The following MALRD1 variants were observed in gnomAD, a reference collection of about 807,000 sequenced individuals.
MALRD1 encodes MAM and LDL-receptor class A domain-containing protein 1.
In MALRD1, 247 loss-of-function variants were observed where a neutral mutation model predicts 242.1. That is an observed-to-expected ratio of 1.02 (90% CI 0.92 to 1.13). The LOEUF is 1.13. MALRD1 is among the 50% of genes most tolerant of loss of function. The pLI is 0.00. For synonymous variants in MALRD1, 995 were observed against 866.6 expected (o/e 1.15, Z -2.60); for missense variants, 2,989 against 2,533.1 (o/e 1.18, Z -3.86).
At chr10:19,324,396 G>A (rs1303795705) in intron 22 of MALRD1, among the ~76,000 whole-genome samples, 1 of 152,012 alleles carries the variant, frequency 6.6e-6, no homozygotes, top group African/African-American at 2.4e-5. Flanking sequence ...TCAGTGTTCT[G>A]AGTATAACCA....
intron 34 of MALRD1, among the ~76,000 whole-genome samples, chr10:19,606,163 T>C (rs1395343579): frequency 1.3e-5 from 2 of 152,138 alleles, no homozygotes; most frequent in South Asian, 2.1e-4. Flanking sequence ...CTCATAATTA[T>C]ACTTGAAGAA....
At chr10:19,413,354 T>C (rs1833360318) in intron 28 of MALRD1, among the ~76,000 whole-genome samples, 1 of 152,164 alleles carries the variant, frequency 6.6e-6, no homozygotes, top group South Asian at 2.1e-4. Flanking sequence ...GGTAGATTTA[T>C]GTTCTCAGAA....
At position 19,199,973 on chromosome 10, in the gene MALRD1, A is replaced by T. The variant is rs189756090; in HGVS notation, c.1952-3755A>T. Among the ~76,000 whole-genome samples, 176 of 152,104 alleles carry T rather than the reference A, an allele frequency of 1.2e-3. 1 individual carries two copies. Among genetic ancestry groups the T allele is most frequent in the African/African-American group, 2.7e-3 (114 of 41,506 alleles). On this transcript the variant is annotated intron_variant, in intron 14 of 39. Transcript: ENST00000454679. Reference sequence around the variant, plus strand: ...AGACCCCATCTCAACAAAATTTTTTAAAAAAATTATCCAGTTGTGGTGGCA... The same window carrying T: ...AGACCCCATCTCAACAAAATTTTTTTAAAAAATTATCCAGTTGTGGTGGCA...
At chr10:19,627,336 A>G (rs111467912) in intron 36 of MALRD1, among the ~76,000 whole-genome samples, 2 of 152,148 alleles carry the variant, frequency 1.3e-5, no homozygotes, top group African/African-American at 4.8e-5. Flanking sequence ...AGATAAACAG[A>G]TTCGAAAACT....
intron 19 of MALRD1, among the ~76,000 whole-genome samples, chr10:19,266,841 C>T (rs187164852): frequency 2.6e-5 from 4 of 151,750 alleles, no homozygotes; most frequent in Admixed American, 1.3e-4. Context: ...CTGAGGAGAC[C>T]GCGGTGAGGA....
At chr10:19,623,415 A>C (rs148584776) in intron 36 of MALRD1, among the ~76,000 whole-genome samples, 4 of 152,172 alleles carry the variant, frequency 2.6e-5, no homozygotes, top group Admixed American at 2.0e-4. Flanking sequence ...AACCAATAGG[A>C]TATGTATAGA....
intron 19 of MALRD1, among the ~76,000 whole-genome samples, chr10:19,272,144 A>G (rs938056368): frequency 2.6e-5 from 4 of 152,184 alleles, no homozygotes; most frequent in African/African-American, 9.6e-5. Flanking sequence ...AAAGACTTAA[A>G]TGTGCAAACC....
intron 34 of MALRD1, among the ~76,000 whole-genome samples, chr10:19,604,746 T>G (rs1016199420): frequency 6.6e-6 from 1 of 152,138 alleles, no homozygotes; most frequent in Non-Finnish European, 1.5e-5. Flanking sequence ...AACTAAATAT[T>G]TTCTAGTTAT....
intron 33 of MALRD1, among the ~76,000 whole-genome samples, chr10:19,586,708 A>C (rs1187737537): frequency 6.6e-6 from 1 of 152,186 alleles, no homozygotes; most frequent in Non-Finnish European, 1.5e-5. Flanking sequence ...CCAGAGGTGG[A>C]GCCTACAGAG....
intron 21 of MALRD1, among the ~76,000 whole-genome samples, chr10:19,298,858 ATCT>A (rs1841824437): frequency 6.6e-6 from 1 of 151,990 alleles, no homozygotes; most frequent in South Asian, 2.1e-4. Context: ...GTCAACGTTT[ATCT>A]TCTTAGGGAG....
chr10:19,439,248 A>G (rs936664783), intron 28 of MALRD1, among the ~76,000 whole-genome samples: 2 of 151,850 alleles, frequency 1.3e-5, no homozygotes, highest in Non-Finnish European at 2.9e-5. Context: ...AAGAGAGAAG[A>G]AGCTGGGCAT....
intron 21 of MALRD1, among the ~76,000 whole-genome samples, chr10:19,312,216 G>C (rs897258605): frequency 1.3e-5 from 2 of 151,256 alleles, no homozygotes; most frequent in African/African-American, 4.8e-5. Flanking sequence ...ACTGTGAGGA[G>C]GTTAAGAACT....
intron 19 of MALRD1, among the ~76,000 whole-genome samples, chr10:19,276,775 A>G (rs1840546524): frequency 6.6e-6 from 1 of 152,166 alleles, no homozygotes; most frequent in Admixed American, 6.5e-5. Flanking sequence ...AGACGTGAGT[A>G]TATCCAACTG....
chr10:19,452,816 A>T (rs1266752555), intron 29 of MALRD1, among the ~76,000 whole-genome samples: 2 of 152,204 alleles, frequency 1.3e-5, no homozygotes, highest in African/African-American at 2.4e-5. Context: ...CGTCAAAGTC[A>T]GAAAGGCACT....
chr10:19,247,230 GA>G (rs1189925384), intron 18 of MALRD1, among the ~76,000 whole-genome samples: 6 of 151,702 alleles, frequency 4.0e-5, no homozygotes, highest in African/African-American at 1.5e-4. Flanking sequence ...TTCACAAACT[GA>G]AAAAGAAATA....
chr10:19,386,825 T>C (rs1046460841), intron 26 of MALRD1, among the ~76,000 whole-genome samples: 3 of 152,124 alleles, frequency 2.0e-5, no homozygotes, highest in Non-Finnish European at 4.4e-5. Flanking sequence ...ATGTATCAAA[T>C]GTTGGTATGA....
chr10:19,430,132 T>TTTTTTG (rs60561217), intron 28 of MALRD1, among the ~76,000 whole-genome samples: 19 of 144,392 alleles, frequency 1.3e-4, no homozygotes, highest in Non-Finnish European at 2.4e-4. Flanking sequence ...TTTTTTTTTT[T>TTTTTTG]GAGATGGAGG....
intron 29 of MALRD1, among the ~76,000 whole-genome samples, chr10:19,466,446 C>T: frequency 6.6e-6 from 1 of 152,032 alleles, no homozygotes; most frequent in East Asian, 1.9e-4. Flanking sequence ...ATTTTATTGC[C>T]TATTTTAGTT....
At chr10:19,209,876 AT>A (rs1836968899) in intron 18 of MALRD1, among the ~76,000 whole-genome samples, 196 bp downstream of exon 18, 1 of 152,136 alleles carries the variant, frequency 6.6e-6, no homozygotes, top group Admixed American at 6.5e-5. Flanking sequence ...ATGATGTAAG[AT>A]TAGAATTTCT....
Sources: allele counts gnomAD v4.1 joint callset (sites outside exome capture counted in the v4.1 genomes callset), GRCh38; gene constraint gnomAD v4.1.1; transcripts MANE v1.5; gene names NCBI Gene and HGNC (gene_info 2026-07-23, HGNC 2026-07-21).